The following KLHL32 variants were observed in gnomAD, a reference collection of about 807,000 sequenced individuals.
KLHL32 encodes kelch-like protein 32.
In KLHL32, 35 loss-of-function variants were observed where a neutral mutation model predicts 64.8. The observed-to-expected ratio is 0.54, with a 90% CI of 0.41 to 0.72. The LOEUF is 0.72. Ranked by LOEUF, KLHL32 falls within the 30% of genes least tolerant of loss-of-function variation. The pLI, the probability that KLHL32 is intolerant of heterozygous loss-of-function variation, is 0.00. For missense variants in KLHL32, 589 were observed against 768.5 expected, an observed-to-expected ratio of 0.77 and a Z score of 2.76; for synonymous variants, 259 against 281.0, an observed-to-expected ratio of 0.92 and a Z score of 0.78.
chr6:97,038,156 G>A (rs1204543772), intron 3 of KLHL32, among the ~76,000 whole-genome samples: 3 of 151,926 alleles, frequency 2.0e-5, no homozygotes, highest in Non-Finnish European at 2.9e-5. Flanking sequence ...GGCAACTAAA[G>A]CAAAAATAGA....
Position 96,925,347 on chromosome 6 carries a change from T to C in KLHL32, c.-66+321T>C, listed in dbSNP as rs114781333. On this transcript the variant is annotated intron_variant, in intron 1 of 10. Transcript: ENST00000369261. ...TTTCTTAAATGATGCCGTTATTTATTTTGATATTTAAAATAAAATATACAC... is the reference window on the plus strand; with the variant it reads ...TTTCTTAAATGATGCCGTTATTTATCTTGATATTTAAAATAAAATATACAC... Among the ~76,000 whole-genome samples, 329 of 152,356 alleles carry C rather than the reference T, an allele frequency of 2.2e-3. 2 individuals carry two copies. The highest frequency in any genetic ancestry group is 7.5e-3 in the African/African-American group (310 of 41,578).
intron 6 of KLHL32, among the ~76,000 whole-genome samples, chr6:97,091,525 T>A (rs1794229265): frequency 6.6e-6 from 1 of 152,222 alleles, no homozygotes; most frequent in Non-Finnish European, 1.5e-5. Context: ...CAGTGTCTGA[T>A]GTGGGGCTTT....
chr6:96,991,141 G>T (rs1028872330), intron 3 of KLHL32, among the ~76,000 whole-genome samples: 4 of 152,024 alleles, frequency 2.6e-5, no homozygotes, highest in Non-Finnish European at 5.9e-5. Context: ...AAGCCCTCAG[G>T]TTCTTTGTTC....
intron 3 of KLHL32, among the ~76,000 whole-genome samples, chr6:97,006,896 C>G (rs919586389): frequency 6.6e-6 from 1 of 152,028 alleles, no homozygotes; most frequent in African/African-American, 2.4e-5. Context: ...AGGTGACCAA[C>G]CCCTTCTCTC....
At chr6:97,067,432 T>C (rs1293982596) in intron 5 of KLHL32, among the ~76,000 whole-genome samples, 1 of 152,194 alleles carries the variant, frequency 6.6e-6, no homozygotes, top group African/African-American at 2.4e-5. Context: ...ATGTATTTAA[T>C]GCTAATTGAT....
intron 3 of KLHL32, among the ~76,000 whole-genome samples, chr6:96,995,656 T>C (rs2128070338): frequency 6.6e-6 from 1 of 152,326 alleles, no homozygotes; most frequent in South Asian, 2.1e-4. Context: ...CTTCTCAGCT[T>C]TGCTAGTGAC....
At chr6:97,108,860 TACTTCA>T (rs1796753152) in intron 6 of KLHL32, among the ~76,000 whole-genome samples, 1 of 152,316 alleles carries the variant, frequency 6.6e-6, no homozygotes, top group African/African-American at 2.4e-5. Flanking sequence ...ACTTAAGCAT[TACTTCA>T]ACTTCACTGG....
At chr6:97,054,650 C>T (rs978182784) in intron 4 of KLHL32, among the ~76,000 whole-genome samples, 3 of 152,182 alleles carry the variant, frequency 2.0e-5, no homozygotes, top group South Asian at 2.1e-4. Context: ...AAAAATAAGA[C>T]AGTAATTTGC....
chr6:96,955,263 G>A (rs1414285626), intron 1 of KLHL32, among the ~76,000 whole-genome samples: 1 of 152,142 alleles, frequency 6.6e-6, no homozygotes, highest in Non-Finnish European at 1.5e-5. Context: ...TGAGTCTTTT[G>A]GATATATATT....
Position 96,967,016 on chromosome 6 carries a change from T to C in KLHL32, c.-45T>C, listed in dbSNP as rs534549230. On this transcript the variant is annotated 5_prime_UTR_variant, in exon 2 of 11. Coordinates refer to ENST00000369261, the MANE Select transcript of KLHL32 (RefSeq NM_052904.4). ...TTCAGCTGGAATGCTTGCTGATTCC[T>C]CTGCACACTTCTAAGGCTGAGAACC... The C allele has an allele frequency of 2.5e-6, 4 of 1,596,780 alleles. No homozygotes were observed. The South Asian group carries it at 3.3e-5, about 13-fold the overall frequency.
chr6:97,137,824 G>A (rs1198620033), intron 10 of KLHL32, among the ~76,000 whole-genome samples: 2 of 152,130 alleles, frequency 1.3e-5, no homozygotes, highest in Non-Finnish European at 1.5e-5. Flanking sequence ...CAGCCACCGC[G>A]CCCAGCCTAT....
At chr6:96,925,814 C>T (rs1302662756) in intron 1 of KLHL32, among the ~76,000 whole-genome samples, 1 of 152,194 alleles carries the variant, frequency 6.6e-6, no homozygotes, top group Non-Finnish European at 1.5e-5. Context: ...TGCACCTCTG[C>T]TCATTTCTGA....
intron 1 of KLHL32, among the ~76,000 whole-genome samples, chr6:96,928,260 A>G (rs1411625889): frequency 1.3e-5 from 2 of 152,194 alleles, no homozygotes; most frequent in African/African-American, 4.8e-5. Context: ...ATTATATTAA[A>G]TGAAAATCCT....
intron 10 of KLHL32, among the ~76,000 whole-genome samples, chr6:97,138,759 G>A (rs776392343): frequency 1.3e-5 from 2 of 152,138 alleles, no homozygotes; most frequent in African/African-American, 4.8e-5. Context: ...TCACAGATGA[G>A]GATGTTTAAG....
intron 3 of KLHL32, among the ~76,000 whole-genome samples, chr6:97,018,683 A>T (rs1781575827): frequency 6.6e-6 from 1 of 152,168 alleles, no homozygotes; most frequent in East Asian, 1.9e-4. Flanking sequence ...TGCTAACAAA[A>T]ACATATGTGT....
chr6:96,911,444 C>T, the KLHL32 span, among the ~76,000 whole-genome samples: 1 of 152,164 alleles, frequency 6.6e-6, no homozygotes, highest in Non-Finnish European at 1.5e-5. Context: ...ATAAGCTTCT[C>T]AATCAGCTGT....
At chr6:96,937,069 T>C (rs1382043267) in intron 1 of KLHL32, among the ~76,000 whole-genome samples, 1 of 152,192 alleles carries the variant, frequency 6.6e-6, no homozygotes, top group Non-Finnish European at 1.5e-5. Context: ...AAAAAAGTTT[T>C]ACTGAGGGAA....
chr6:97,136,864 A>ATGAT (rs1800078450), intron 10 of KLHL32, among the ~76,000 whole-genome samples: 1 of 152,188 alleles, frequency 6.6e-6, no homozygotes, highest in South Asian at 2.1e-4. Flanking sequence ...AGCTCTCTGG[A>ATGAT]TGATTATCTC....
chr6:96,993,067 G>A (rs1341732535), intron 3 of KLHL32, among the ~76,000 whole-genome samples: 3 of 152,254 alleles, frequency 2.0e-5, no homozygotes, highest in Non-Finnish European at 4.4e-5. Context: ...TCTGGGCAGT[G>A]CTAAGTGCTG....
Sources: allele counts gnomAD v4.1 joint callset (sites outside exome capture counted in the v4.1 genomes callset), GRCh38; gene constraint gnomAD v4.1.1; transcripts MANE v1.5; gene names NCBI Gene and HGNC (gene_info 2026-07-23, HGNC 2026-07-21).